GABRB3: variants seen among roughly 807,000 people sequenced by gnomAD.
The protein encoded by GABRB3 is gamma-aminobutyric acid receptor subunit beta-3.
GABRB3 carries 14 observed loss-of-function variants against 52.1 expected under a neutral mutation model. The observed-to-expected ratio is 0.27, with a 90% CI of 0.18 to 0.42. The LOEUF (loss-of-function observed/expected upper bound fraction) is 0.42, where lower values mean the gene tolerates loss of function less well. Among genes scored for constraint, GABRB3 ranks in the 10% least tolerant of loss-of-function variants. The pLI is 1.00. For missense variants in GABRB3, 307 were observed against 609.1 expected, an observed-to-expected ratio of 0.50 and a Z score of 5.22; for synonymous variants, 260 against 232.3, an observed-to-expected ratio of 1.12 and a Z score of -1.08.
chr15:26,596,874 T>C (rs1480749482), intron 4 of GABRB3, among the ~76,000 whole-genome samples: 1 of 152,128 alleles, frequency 6.6e-6, no homozygotes, highest in African/African-American at 2.4e-5. Flanking sequence ...TGATGGAGGT[T>C]GGTAAGTCCA....
intron 3 of GABRB3, among the ~76,000 whole-genome samples, chr15:26,677,274 C>G (rs556223391): frequency 6.6e-6 from 1 of 152,308 alleles, no homozygotes; most frequent in African/African-American, 2.4e-5. Flanking sequence ...GTTAGAACAC[C>G]TTTCCCTTCG....
intron 8 of GABRB3, chr15:26,553,634 C>T (rs1055816531): frequency 3.3e-5 from 5 of 152,158 alleles, no homozygotes; most frequent in African/African-American, 1.2e-4. Flanking sequence ...CAGTCATCCA[C>T]TTCAGGACGT....
chr15:26,630,515 T>G (rs1892882127), intron 3 of GABRB3, among the ~76,000 whole-genome samples: 1 of 152,256 alleles, frequency 6.6e-6, no homozygotes, highest in Non-Finnish European at 1.5e-5. Context: ...ATCAATACCT[T>G]TCTCTCATAA....
At chr15:26,722,492 T>A (rs1889668013) in intron 3 of GABRB3, among the ~76,000 whole-genome samples, 1 of 152,302 alleles carries the variant, frequency 6.6e-6, no homozygotes, top group South Asian at 2.1e-4. Flanking sequence ...CAAAACTGGC[T>A]TCTCACCTTC....
intron 3 of GABRB3, among the ~76,000 whole-genome samples, chr15:26,702,673 A>C (rs1413467107): frequency 6.6e-5 from 10 of 152,204 alleles, no homozygotes. Flanking sequence ...TTAAATGAAC[A>C]CTTACCATAT....
intron 3 of GABRB3, among the ~76,000 whole-genome samples, chr15:26,652,261 A>G (rs971027361): frequency 7.9e-5 from 12 of 152,234 alleles, no homozygotes; most frequent in Non-Finnish European, 4.4e-5. Context: ...GGCACAACCA[A>G]TGTATACCTT....
Position 26,758,627 on chromosome 15 carries a change from A to G in GABRB3, c.240+13775T>C, listed in dbSNP as rs28454451. Among the ~76,000 whole-genome samples the G allele has an allele frequency of 8.8e-3, 1,332 of 152,124 alleles. 17 individuals carry two copies. The highest frequency in any genetic ancestry group is 0.03 in the African/African-American group (1,255 of 41,492). On this transcript the variant is annotated intron_variant, in intron 3 of 8. Coordinates refer to ENST00000311550, the MANE Select transcript of GABRB3 (RefSeq NM_000814.6). ...TCTTCTTAATCTCAACAAACCAACC[A>G]ATGCCCACGATCTATACCCACCCAC...
At chr15:26,592,780 C>T (rs1346362860) in intron 4 of GABRB3, among the ~76,000 whole-genome samples, 6 of 151,928 alleles carry the variant, frequency 3.9e-5, no homozygotes, top group Non-Finnish European at 8.8e-5. Context: ...TTTGGGAGGC[C>T]GAGGCGGGTG....
chr15:26,771,088 A>C (rs1891130911), intron 3 of GABRB3, among the ~76,000 whole-genome samples: 1 of 152,214 alleles, frequency 6.6e-6, no homozygotes, highest in African/African-American at 2.4e-5. Context: ...TAATGAGAAC[A>C]GCTTGGCGTG....
intron 4 of GABRB3, chr15:26,615,567 G>T: frequency 1.7e-6 from 1 of 581,154 alleles, no homozygotes; most frequent in Non-Finnish European, 2.2e-6. Flanking sequence ...AGTGGTCAGT[G>T]ACTACTTTTG....
At chr15:26,635,308 T>C (rs1893029037) in intron 3 of GABRB3, among the ~76,000 whole-genome samples, 1 of 151,864 alleles carries the variant, frequency 6.6e-6, no homozygotes, top group Non-Finnish European at 1.5e-5. Flanking sequence ...CTGTGAGACG[T>C]GTATCAGGCT....
At chr15:26,631,520 C>T (rs948964821) in intron 3 of GABRB3, among the ~76,000 whole-genome samples, 2 of 152,180 alleles carry the variant, frequency 1.3e-5, no homozygotes, top group African/African-American at 2.4e-5. Flanking sequence ...CACAGGACAC[C>T]TGCATTTGCA....
intron 3 of GABRB3, among the ~76,000 whole-genome samples, chr15:26,731,892 G>GATT (rs3078707): frequency 0.63 from 95,277 of 151,768 alleles, 30,280 homozygotes; most frequent in East Asian, 0.89. Context: ...TCTGGGTACT[G>GATT]ATGTTTATTT....
intron 4 of GABRB3, among the ~76,000 whole-genome samples, chr15:26,597,553 A>G (rs1891439079): frequency 6.6e-6 from 1 of 152,198 alleles, no homozygotes; most frequent in Admixed American, 6.5e-5. Flanking sequence ...GATGAAATGG[A>G]GGTCCTGGAT....
At chr15:26,761,394 C>CAA (rs144864753) in intron 3 of GABRB3, among the ~76,000 whole-genome samples, 50 of 146,034 alleles carry the variant, frequency 3.4e-4, no homozygotes, top group African/African-American at 9.8e-4. Flanking sequence ...GACTCCATCT[C>CAA]AAAAAAAAAA....
chr15:26,576,869 C>T (rs1047518360), intron 6 of GABRB3, among the ~76,000 whole-genome samples: 5 of 152,066 alleles, frequency 3.3e-5, no homozygotes, highest in South Asian at 4.2e-4. Context: ...CGGACTTATG[C>T]GTGTTCAAAG....
At chr15:26,628,990 T>C in intron 3 of GABRB3, 4 of 1,536,114 alleles carry the variant, frequency 2.6e-6, no homozygotes, top group South Asian at 1.2e-5. Flanking sequence ...TTCTGTCTGG[T>C]AGGTGGCCCA....
intron 6 of GABRB3, among the ~76,000 whole-genome samples, chr15:26,579,222 C>T (rs978041045): frequency 6.6e-6 from 1 of 152,194 alleles, no homozygotes; most frequent in African/African-American, 2.4e-5. Flanking sequence ...CCACGCATGA[C>T]TGACGCAGGT....
chr15:26,754,271 G>A (rs1055949877), intron 3 of GABRB3, among the ~76,000 whole-genome samples: 6 of 152,152 alleles, frequency 3.9e-5, no homozygotes, highest in Non-Finnish European at 8.8e-5. Flanking sequence ...AAGGGTTCTC[G>A]AAAGCAGAAG....
Sources: allele counts gnomAD v4.1 joint callset (sites outside exome capture counted in the v4.1 genomes callset), GRCh38; gene constraint gnomAD v4.1.1; transcripts MANE v1.5; gene names NCBI Gene and HGNC (gene_info 2026-07-23, HGNC 2026-07-21).